MBNL2: variants seen among roughly 807,000 people sequenced by gnomAD.
MBNL2 encodes the protein muscleblind-like protein 2.
In MBNL2, 17 loss-of-function variants were observed where a neutral mutation model predicts 41.9. The ratio of observed to expected loss-of-function variants is 0.41; its 90% CI spans 0.28 to 0.61. MBNL2 has a LOEUF of 0.61. Ranked by LOEUF, MBNL2 falls within the 20% of genes least tolerant of loss-of-function variation. The pLI is 0.35. For synonymous variants in MBNL2, 195 were observed against 182.9 expected, an observed-to-expected ratio of 1.07 and a Z score of -0.53; for missense variants, 336 against 505.6, an observed-to-expected ratio of 0.66 and a Z score of 3.22.
intron 8 of MBNL2, among the ~76,000 whole-genome samples, chr13:97,383,318 A>G (rs56330757): frequency 0.027 from 4,116 of 152,346 alleles, 175 homozygotes; most frequent in African/African-American, 0.095. Flanking sequence ...CAAAGAGCAG[A>G]ATCTTATTCA....
At chr13:97,219,933 A>G (rs2040715497), upstream of MBNL2, among the ~76,000 whole-genome samples, 1 of 152,258 alleles carries the variant, frequency 6.6e-6, no homozygotes, top group Non-Finnish European at 1.5e-5. Flanking sequence ...AGCCACTGGT[A>G]GAGATGAAGC....
At chr13:97,159,025 G>C in the MBNL2 span, among the ~76,000 whole-genome samples, 1 of 150,700 alleles carries the variant, frequency 6.6e-6, no homozygotes, top group Middle Eastern at 3.5e-3. Flanking sequence ...TAATGTGTGG[G>C]AGTCTAAGTC....
At chr13:97,183,605 A>G in the MBNL2 span, among the ~76,000 whole-genome samples, 1 of 152,174 alleles carries the variant, frequency 6.6e-6, no homozygotes, top group African/African-American at 2.4e-5. Flanking sequence ...CTGGTGTTTT[A>G]CAGTTTGACA....
chr13:97,150,046 C>T, the MBNL2 span, among the ~76,000 whole-genome samples: 3 of 152,214 alleles, frequency 2.0e-5, no homozygotes, highest in African/African-American at 4.8e-5. Flanking sequence ...CAGCAACAGG[C>T]GTGCTTTTGT....
the MBNL2 span, among the ~76,000 whole-genome samples, chr13:97,190,822 G>C: frequency 6.6e-6 from 1 of 152,126 alleles, no homozygotes; most frequent in Admixed American, 6.5e-5. Context: ...GAAGCCTGAG[G>C]TTGGATTTAT....
chr13:97,186,005 G>A, the MBNL2 span, among the ~76,000 whole-genome samples: 1 of 152,080 alleles, frequency 6.6e-6, no homozygotes, highest in African/African-American at 2.4e-5. Context: ...TCTATACCCA[G>A]CTCCTCCAGG....
chr13:97,289,108 G>A (rs1312938935), intron 2 of MBNL2, among the ~76,000 whole-genome samples: 1 of 152,156 alleles, frequency 6.6e-6, no homozygotes, highest in Non-Finnish European at 1.5e-5. Context: ...TCATCTCAAT[G>A]GAGCATTTCT....
the MBNL2 span, among the ~76,000 whole-genome samples, chr13:97,213,758 G>A: frequency 1.3e-5 from 2 of 152,212 alleles, no homozygotes; most frequent in African/African-American, 4.8e-5. Context: ...AGGTAGGGTG[G>A]TGATCCTAAA....
intron 8 of MBNL2, among the ~76,000 whole-genome samples, chr13:97,373,544 C>T (rs986592891): frequency 1.9e-4 from 28 of 150,952 alleles, no homozygotes; most frequent in African/African-American, 6.8e-4. Context: ...CAGTTTGAGG[C>T]TGAATTCCAC....
chr13:97,325,870 CA>C, intron 2 of MBNL2, among the ~76,000 whole-genome samples: 1 of 152,160 alleles, frequency 6.6e-6, no homozygotes, highest in East Asian at 1.9e-4. Flanking sequence ...AAATTAATGT[CA>C]GGGGCCAGTG....
At chr13:97,196,106 GC>G in the MBNL2 span, among the ~76,000 whole-genome samples, 1 of 152,166 alleles carries the variant, frequency 6.6e-6, no homozygotes, top group Non-Finnish European at 1.5e-5. Flanking sequence ...ACCCTTTTGT[GC>G]CCTCCAAGGT....
chr13:97,286,895 C>G (rs1162123614), intron 2 of MBNL2, among the ~76,000 whole-genome samples: 1 of 152,200 alleles, frequency 6.6e-6, no homozygotes, highest in Admixed American at 6.5e-5. Flanking sequence ...TTTCTGTTTC[C>G]TCCACTGAAT....
At chr13:97,220,626 G>C (rs927277763), upstream of MBNL2, among the ~76,000 whole-genome samples, 1 of 152,172 alleles carries the variant, frequency 6.6e-6, no homozygotes, top group South Asian at 2.1e-4. Context: ...TAAAAAACCC[G>C]TCTGGCAACA....
At chr13:97,385,473 C>G (rs1385291264) in intron 8 of MBNL2, among the ~76,000 whole-genome samples, 1 of 152,202 alleles carries the variant, frequency 6.6e-6, no homozygotes, top group African/African-American at 2.4e-5. Flanking sequence ...CATTATTTCT[C>G]TTTTCTAATT....
intron 2 of MBNL2, among the ~76,000 whole-genome samples, chr13:97,292,255 C>A (rs1043281332): frequency 6.6e-6 from 1 of 151,148 alleles, no homozygotes; most frequent in Non-Finnish European, 1.5e-5. Flanking sequence ...ACCCTTTCCT[C>A]TTACGAAGGC....
intron 3 of MBNL2, among the ~76,000 whole-genome samples, chr13:97,338,680 A>T (rs2061103235): frequency 6.6e-6 from 1 of 152,164 alleles, no homozygotes; most frequent in South Asian, 2.1e-4. Flanking sequence ...CACTCAAGAT[A>T]AAGAAGCAAG....
chr13:97,323,569 T>A (rs2059675445), intron 2 of MBNL2, among the ~76,000 whole-genome samples: 3 of 152,254 alleles, frequency 2.0e-5, no homozygotes, highest in Admixed American at 2.0e-4. Context: ...TGTGTATAGG[T>A]TATATGCAAA....
chr13:97,239,809 C>T (rs1034122329), intron 1 of MBNL2, among the ~76,000 whole-genome samples: 4 of 152,180 alleles, frequency 2.6e-5, no homozygotes, highest in Non-Finnish European at 5.9e-5. Context: ...ATGTACAGCA[C>T]GTCTGACAAA....
intron 1 of MBNL2, among the ~76,000 whole-genome samples, chr13:97,230,644 GA>G (rs1435470691): frequency 6.6e-6 from 1 of 152,158 alleles, no homozygotes; most frequent in East Asian, 1.9e-4. Flanking sequence ...CAAAGAATCA[GA>G]AAAATAAATA....
Sources: gnomAD v4.1 joint callset for allele counts (sites outside exome capture counted in the v4.1 genomes callset) on GRCh38, gnomAD v4.1.1 for gene constraint, MANE v1.5 for transcripts, NCBI Gene and HGNC (gene_info 2026-07-23, HGNC 2026-07-21) for gene names.